The following PDZRN4 variants were observed in gnomAD, a reference collection of about 807,000 sequenced individuals.
PDZRN4 encodes PDZ domain-containing RING finger protein 4.
Under a neutral mutation model 99.0 loss-of-function variants are expected in PDZRN4, and 70 were observed. That is an observed-to-expected ratio of 0.71 (90% CI 0.58 to 0.86). The LOEUF (loss-of-function observed/expected upper bound fraction) is 0.86, where lower values mean the gene tolerates loss of function less well. Among genes scored for constraint, PDZRN4 ranks in the 40% least tolerant of loss-of-function variants. The pLI is 0.00. For missense variants in PDZRN4, 1,474 were observed against 1,331.2 expected, an observed-to-expected ratio of 1.11 and a Z score of -1.67; for synonymous variants, 551 against 501.6, an observed-to-expected ratio of 1.10 and a Z score of -1.32.
intron 5 of PDZRN4, among the ~76,000 whole-genome samples, chr12:41,551,894 T>G (rs976836816): frequency 6.6e-6 from 1 of 152,204 alleles, no homozygotes; most frequent in Non-Finnish European, 1.5e-5. Context: ...ACACTGAAAT[T>G]TATTATTATT....
intron 3 of PDZRN4, among the ~76,000 whole-genome samples, chr12:41,197,401 TAAAC>T (rs1950780534): frequency 6.6e-6 from 1 of 152,164 alleles, no homozygotes; most frequent in Non-Finnish European, 1.5e-5. Context: ...TGTCATTAGG[TAAAC>T]CTATGTCATA....
At chr12:41,240,493 C>A (rs1244310095) in intron 3 of PDZRN4, among the ~76,000 whole-genome samples, 1 of 152,112 alleles carries the variant, frequency 6.6e-6, no homozygotes, top group Non-Finnish European at 1.5e-5. Flanking sequence ...CTTTTGGCTG[C>A]CAGATATGTA....
intron 3 of PDZRN4, among the ~76,000 whole-genome samples, chr12:41,389,499 G>C (rs1054761653): frequency 6.6e-6 from 1 of 152,112 alleles, no homozygotes; most frequent in Admixed American, 6.6e-5. Flanking sequence ...ATATTTACTT[G>C]TTCCTGGACC....
At chr12:41,296,419 G>A (rs73122845) in intron 3 of PDZRN4, among the ~76,000 whole-genome samples, 1 of 152,044 alleles carries the variant, frequency 6.6e-6, no homozygotes. Context: ...CTTTATGAAG[G>A]GTCAAAGAAC....
chr12:41,373,300 G>A (rs1436129286), intron 3 of PDZRN4, among the ~76,000 whole-genome samples: 3 of 152,004 alleles, frequency 2.0e-5, no homozygotes, highest in African/African-American at 7.2e-5. Context: ...ACAGCCAGCC[G>A]GTCTGACCAA....
At chr12:41,399,105 A>G (rs1592043624) in intron 3 of PDZRN4, among the ~76,000 whole-genome samples, 1 of 152,152 alleles carries the variant, frequency 6.6e-6, no homozygotes, top group East Asian at 1.9e-4. Context: ...AAAATAAAGT[A>G]TTTATTATAT....
chr12:41,324,493 A>G (rs920927494), intron 3 of PDZRN4, among the ~76,000 whole-genome samples: 2 of 152,088 alleles, frequency 1.3e-5, no homozygotes, highest in Non-Finnish European at 2.9e-5. Context: ...TCCATTAACT[A>G]CATATTTTCT....
chr12:41,302,064 G>A (rs531229524), intron 3 of PDZRN4, among the ~76,000 whole-genome samples: 1 of 151,884 alleles, frequency 6.6e-6, no homozygotes, highest in Non-Finnish European at 1.5e-5. Flanking sequence ...TATAACATTT[G>A]TGTATGTGTG....
At chr12:41,233,982 T>G (rs2120763982) in intron 3 of PDZRN4, among the ~76,000 whole-genome samples, 1 of 151,994 alleles carries the variant, frequency 6.6e-6, no homozygotes, top group Non-Finnish European at 1.5e-5. Flanking sequence ...TGTTTCCAGA[T>G]GTAGCAGAGA....
intron 3 of PDZRN4, among the ~76,000 whole-genome samples, chr12:41,455,581 A>C (rs1952811237): frequency 1.3e-5 from 2 of 152,200 alleles, no homozygotes; most frequent in Non-Finnish European, 2.9e-5. Flanking sequence ...ATAACAGTTT[A>C]ATTGCAGTAG....
chr12:41,556,376 G>A (rs1050025383), intron 7 of PDZRN4, among the ~76,000 whole-genome samples: 3 of 152,232 alleles, frequency 2.0e-5, no homozygotes, highest in Non-Finnish European at 4.4e-5. Flanking sequence ...CACAGACCTA[G>A]ATGGTACAGC....
intron 3 of PDZRN4, among the ~76,000 whole-genome samples, chr12:41,207,489 A>T (rs1281441995): frequency 6.6e-6 from 1 of 151,838 alleles, no homozygotes; most frequent in Non-Finnish European, 1.5e-5. Context: ...AATATCTTAT[A>T]ATGTGGGGTC....
chr12:41,316,183 A>T (rs1192417935), intron 3 of PDZRN4, among the ~76,000 whole-genome samples: 1 of 152,024 alleles, frequency 6.6e-6, no homozygotes, highest in Non-Finnish European at 1.5e-5. Flanking sequence ...GTACCTAGTG[A>T]TCATAATCTA....
chr12:41,525,948 T>G (rs553625374), intron 5 of PDZRN4, among the ~76,000 whole-genome samples: 1 of 152,336 alleles, frequency 6.6e-6, no homozygotes, highest in Non-Finnish European at 1.5e-5. Flanking sequence ...CTCTGCCATT[T>G]TTAAAAAATC....
intron 9 of PDZRN4, among the ~76,000 whole-genome samples, chr12:41,568,363 G>A (rs139596268): frequency 9.2e-4 from 140 of 152,266 alleles, no homozygotes; most frequent in African/African-American, 3.3e-3. Context: ...CGTACTGGAT[G>A]GCGTGATTAC....
At chr12:41,501,413 T>G (rs746452552) in intron 3 of PDZRN4, among the ~76,000 whole-genome samples, 26 of 152,194 alleles carry the variant, frequency 1.7e-4, no homozygotes, top group Non-Finnish European at 3.4e-4. Flanking sequence ...AAATCCAAGC[T>G]GAGGCCACTA....
intron 3 of PDZRN4, among the ~76,000 whole-genome samples, chr12:41,314,160 A>G (rs993456616): frequency 2.6e-5 from 4 of 152,160 alleles, no homozygotes; most frequent in African/African-American, 9.7e-5. Flanking sequence ...GGTAAGGATA[A>G]CCTGTAGTAA....
At chr12:41,191,393 A>C in intron 1 of PDZRN4, 65 bp from the exon 2 acceptor site, 1 of 804,268 alleles carries the variant, frequency 1.2e-6, no homozygotes, top group South Asian at 1.5e-5. Flanking sequence ...ATAAAAACTT[A>C]TTGTAGGATT....
At chr12:41,293,773 T>C (rs143113353) in intron 3 of PDZRN4, among the ~76,000 whole-genome samples, 1 of 152,330 alleles carries the variant, frequency 6.6e-6, no homozygotes, top group Non-Finnish European at 1.5e-5. Context: ...CCATTTGTCC[T>C]CTTAAAATTA....
Sources: allele counts gnomAD v4.1 joint callset (sites outside exome capture counted in the v4.1 genomes callset), GRCh38; gene constraint gnomAD v4.1.1; transcripts MANE v1.5; gene names NCBI Gene and HGNC (gene_info 2026-07-23, HGNC 2026-07-21).